The following HYDIN variants were observed in gnomAD, a reference collection of about 807,000 sequenced individuals.
HYDIN encodes the protein HYDIN axonemal central pair apparatus protein.
In HYDIN, 132 loss-of-function variants were observed where a neutral mutation model predicts 403.9. That is an observed-to-expected ratio of 0.33 (90% CI 0.28 to 0.38). HYDIN has a LOEUF of 0.38. Ranked by LOEUF, HYDIN falls within the 10% of genes least tolerant of loss-of-function variation. The pLI is 1.00. For synonymous variants in HYDIN, 1,202 were observed against 1,891.7 expected (o/e 0.64, Z 9.46); for missense variants, 2,827 against 5,009.5 (o/e 0.56, Z 13.15).
At chr16:71,033,559 C>T (rs1211540240) in intron 18 of HYDIN, among the ~76,000 whole-genome samples, 2 of 150,510 alleles carry the variant, frequency 1.3e-5, no homozygotes, top group African/African-American at 2.5e-5. Context: ...TGTTCTCACT[C>T]ATAAGTGGGA....
intron 5 of HYDIN, among the ~76,000 whole-genome samples, chr16:71,170,381 C>T (rs563675463): frequency 6.6e-6 from 1 of 152,156 alleles, no homozygotes; most frequent in East Asian, 1.9e-4. Context: ...ACATTTTGTG[C>T]CTCTTGATAT....
At chr16:70,992,048 T>C in intron 24 of HYDIN, 22 bp downstream of exon 24, 2 of 1,613,488 alleles carry the variant, frequency 1.2e-6, no homozygotes, top group African/African-American at 2.7e-5. Context: ...CTACAAATAA[T>C]CTATGTTGGC....
chr16:71,038,263 C>T (rs1453081439), intron 18 of HYDIN, among the ~76,000 whole-genome samples: 1 of 152,266 alleles, frequency 6.6e-6, no homozygotes, highest in African/African-American at 2.4e-5. Context: ...TAACATTTGC[C>T]TTTTATTTGA....
rs771523856 is a variant in HYDIN at position 71,031,747 on chromosome 16, G to A, written c.2700C>T (p.Ser900=). Residue 900 remains serine (S), a synonymous_variant, in exon 19 of 86, where the codon TCC becomes TCT. Coordinates refer to ENST00000393567, the MANE Select transcript of HYDIN (RefSeq NM_001270974.2). ...CTGAAACAATAGTGGAACCAGTTCC[G>A]GAAGCCTGAACAGGAATCCGATAGG... ...SSTYRIPVQA[S]GTGSTIVSDK... The A allele has an allele frequency of 3.0e-5, 39 of 1,320,290 alleles. No individual in the cohort carries two copies. Among genetic ancestry groups the A allele is most frequent in the South Asian group, 7.2e-5 (6 of 82,760 alleles). The allele number at this position is 1,320,290 out of a possible 1,614,324, so 81.8% of individuals were successfully genotyped here. A position where few individuals can be genotyped will look rare whatever the true frequency, so the allele number is the denominator to read the frequency against.
chr16:70,946,743 A>G (rs2077876180), intron 41 of HYDIN, among the ~76,000 whole-genome samples: 1 of 152,106 alleles, frequency 6.6e-6, no homozygotes, highest in African/African-American at 2.4e-5. Context: ...TGATAGAGAG[A>G]TCTTGGAGTT....
At chr16:70,875,675 G>A (rs943177635) in intron 62 of HYDIN, among the ~76,000 whole-genome samples, 10 of 152,186 alleles carry the variant, frequency 6.6e-5, no homozygotes, top group African/African-American at 2.4e-4. Flanking sequence ...TTATATGTAA[G>A]AATATTGACA....
intron 84 of HYDIN, among the ~76,000 whole-genome samples, chr16:70,817,937 T>A (rs1289281083): frequency 6.6e-6 from 1 of 152,142 alleles, no homozygotes; most frequent in Non-Finnish European, 1.5e-5. Context: ...AGATGGGGTT[T>A]CACCATGTTA....
At chr16:71,134,783 G>A (rs2084849876) in intron 8 of HYDIN, among the ~76,000 whole-genome samples, 1 of 152,160 alleles carries the variant, frequency 6.6e-6, no homozygotes, top group Non-Finnish European at 1.5e-5. Context: ...AGAATTCACG[G>A]CTTATAATAG....
At chr16:70,871,110 T>C (rs1597177373) in intron 65 of HYDIN, among the ~76,000 whole-genome samples, 1 of 151,982 alleles carries the variant, frequency 6.6e-6, no homozygotes, top group African/African-American at 2.4e-5. Flanking sequence ...AGAACTATTT[T>C]TGGCATATAG....
chr16:70,813,469 G>A (rs937394455), intron 84 of HYDIN, among the ~76,000 whole-genome samples: 8 of 151,786 alleles, frequency 5.3e-5, no homozygotes, highest in African/African-American at 1.5e-4. Context: ...GATGACTAGC[G>A]TCCTGGCTGA....
chr16:70,951,122 C>A (rs565471667), intron 41 of HYDIN, among the ~76,000 whole-genome samples: 1 of 152,142 alleles, frequency 6.6e-6, no homozygotes, highest in East Asian at 1.9e-4. Context: ...GTAGTCCCAG[C>A]TACTTGGGAG....
intron 35 of HYDIN, among the ~76,000 whole-genome samples, chr16:70,972,319 C>T (rs2078757614): frequency 9.1e-6 from 1 of 110,260 alleles, no homozygotes; most frequent in African/African-American, 3.6e-5. Context: ...TTAACCATAG[C>T]TCTTCTATAA....
intron 53 of HYDIN, among the ~76,000 whole-genome samples, chr16:70,897,445 G>T (rs1040028514): frequency 6.6e-6 from 1 of 151,912 alleles, no homozygotes; most frequent in Non-Finnish European, 1.5e-5. Context: ...TTCATTAGAT[G>T]CTTGCCAATG....
At chr16:71,092,811 C>T (rs926901984) in intron 11 of HYDIN, among the ~76,000 whole-genome samples, 1 of 140,470 alleles carries the variant, frequency 7.1e-6, no homozygotes, top group Non-Finnish European at 1.5e-5. Flanking sequence ...GAACTCCTGA[C>T]CTCAAGTGAT....
chr16:71,019,571 G>A (rs1301041935), intron 22 of HYDIN, among the ~76,000 whole-genome samples: 7 of 152,290 alleles, frequency 4.6e-5, no homozygotes, highest in African/African-American at 9.6e-5. Flanking sequence ...TGTAGCACTC[G>A]GTATCGCCAT....
chr16:70,900,645 G>A (rs2076343523), intron 53 of HYDIN, among the ~76,000 whole-genome samples: 1 of 148,968 alleles, frequency 6.7e-6, no homozygotes, highest in Non-Finnish European at 1.5e-5. Context: ...AATCCGATAG[G>A]TGACTGGGTT....
At chr16:70,859,242 A>T (rs2039245652) in intron 71 of HYDIN, among the ~76,000 whole-genome samples, 1 of 152,108 alleles carries the variant, frequency 6.6e-6, no homozygotes, top group Non-Finnish European at 1.5e-5. Flanking sequence ...CGGAGCATGT[A>T]GTGAGCCGAG....
chr16:71,141,098 G>A (rs918244628), intron 7 of HYDIN, among the ~76,000 whole-genome samples: 15 of 150,142 alleles, frequency 1.0e-4, no homozygotes, highest in African/African-American at 2.9e-4. Flanking sequence ...GTAAAGTCTC[G>A]GTAATTAAAA....
Position 71,038,199 on chromosome 16 carries a change from A to G in HYDIN, c.2530-6282T>C, listed in dbSNP as rs549941341. On this transcript the variant is annotated intron_variant, in intron 18 of 85. Coordinates refer to ENST00000393567, the MANE Select transcript of HYDIN (RefSeq NM_001270974.2). Reference sequence around the variant, plus strand: ...ATCTTTTGTAATTCAGAATTCCGTGACCACTGGTGATGAGTGTTAAGCCCT... The same window carrying G: ...ATCTTTTGTAATTCAGAATTCCGTGGCCACTGGTGATGAGTGTTAAGCCCT... Among the ~76,000 whole-genome samples the G allele has an allele frequency of 8.5e-5, 13 of 152,418 alleles. No homozygotes were observed. The South Asian group carries it at 2.7e-3, about 32-fold the overall frequency.
Sources: gnomAD v4.1 joint callset for allele counts (sites outside exome capture counted in the v4.1 genomes callset) on GRCh38, gnomAD v4.1.1 for gene constraint, MANE v1.5 for transcripts, NCBI Gene and HGNC (gene_info 2026-07-23, HGNC 2026-07-21) for gene names.